RYR3: variants seen among roughly 807,000 people sequenced by gnomAD.
RYR3 encodes brain ryanodine receptor-calcium release channel.
Under a neutral mutation model 584.3 loss-of-function variants are expected in RYR3, and 207 were observed. The ratio of observed to expected loss-of-function variants is 0.35; its 90% confidence interval spans 0.32 to 0.40. The LOEUF is 0.40. Among genes scored for constraint, RYR3 ranks in the 10% least tolerant of loss-of-function variants. The probability of loss-of-function intolerance (pLI) is 1.00; values close to 1 mark genes in which losing one functional copy is unlikely to be tolerated. For missense variants in RYR3, 5,616 were observed against 6,089.2 expected (o/e 0.92, Z 2.59); for synonymous variants, 2,416 against 2,248.5 (o/e 1.07, Z -2.11).
At chr15:33,704,250 G>A (rs1437584759) in intron 42 of RYR3, among the ~76,000 whole-genome samples, 1 of 151,166 alleles carries the variant, frequency 6.6e-6, no homozygotes, top group African/African-American at 2.4e-5. Flanking sequence ...CTCCAGCCTG[G>A]GAGCCTGGGT....
At chr15:33,438,904 A>G (rs931694220) in intron 1 of RYR3, among the ~76,000 whole-genome samples, 3 of 152,228 alleles carry the variant, frequency 2.0e-5, no homozygotes, top group African/African-American at 4.8e-5. Context: ...AAACAAAAGG[A>G]TACATAACAA....
At chr15:33,522,189 G>C (rs2054050031) in intron 3 of RYR3, among the ~76,000 whole-genome samples, 1 of 151,756 alleles carries the variant, frequency 6.6e-6, no homozygotes, top group South Asian at 2.1e-4. Context: ...CTGGAACCCA[G>C]GGGGCAGAGG....
chr15:33,337,026 C>T (rs373533455), intron 1 of RYR3, among the ~76,000 whole-genome samples: 3 of 128,404 alleles, frequency 2.3e-5, no homozygotes, highest in African/African-American at 9.1e-5. Context: ...CGCTGCACTC[C>T]AGCCTGGGTT....
Position 33,390,031 on chromosome 15 carries a change from T to A in RYR3, c.51+78935T>A, listed in dbSNP as rs1287629841. Among the ~76,000 whole-genome samples, 1 of 152,230 alleles carries A rather than the reference T, an allele frequency of 6.6e-6. No individual in the cohort carries two copies. Among genetic ancestry groups the A allele is most frequent in the South Asian group, 2.1e-4 (1 of 4,832 alleles). On this transcript the variant is annotated intron_variant, in intron 1 of 103. Coordinates refer to ENST00000634891, the MANE Select transcript of RYR3 (RefSeq NM_001036.6). This position sits in a 1 kb window ranked among gnomAD's most constrained non-coding sequence, Gnocchi z 4.2. ...TATGCTGATTAGTTTCCAATTTCTA[T>A]CATTTCAGGTATGTAAATTATTGCT...
chr15:33,768,619 T>A (rs1454730220), intron 60 of RYR3, 39 bp from the exon 61 acceptor site: 1 of 1,600,920 alleles, frequency 6.2e-7, no homozygotes, highest in East Asian at 2.2e-5. Context: ...AGTCCTTTAA[T>A]CTCTGTGACT....
chr15:33,683,643 G>A (rs561358172), intron 38 of RYR3, among the ~76,000 whole-genome samples: 7 of 152,352 alleles, frequency 4.6e-5, no homozygotes, highest in South Asian at 2.1e-4. Flanking sequence ...TGAACAGTGC[G>A]TGCAGCCCAT....
At chr15:33,336,478 G>A (rs913251143) in intron 1 of RYR3, among the ~76,000 whole-genome samples, 4 of 41,074 alleles carry the variant, frequency 9.7e-5, no homozygotes, top group African/African-American at 2.6e-4. Flanking sequence ...GAGAGAGAGA[G>A]AGAGAGAGAA....
At chr15:33,576,826 T>C (rs28867695) in intron 12 of RYR3, among the ~76,000 whole-genome samples, 28,547 of 152,134 alleles carry the variant, frequency 0.19, 4,734 homozygotes, top group African/African-American at 0.45. Flanking sequence ...GAAGTCAAAC[T>C]GTCTCTGTTT....
chr15:33,704,726 C>G (rs1443489183), intron 42 of RYR3, among the ~76,000 whole-genome samples: 1 of 152,214 alleles, frequency 6.6e-6, no homozygotes, highest in African/African-American at 2.4e-5. Context: ...TTCTCAGCCT[C>G]AGTTCATCTT....
chr15:33,353,551 C>A (rs898014124), intron 1 of RYR3, among the ~76,000 whole-genome samples: 26 of 152,090 alleles, frequency 1.7e-4, no homozygotes, highest in African/African-American at 4.8e-4. Context: ...ACTGGTTTGC[C>A]CAAGACTGTC....
rs755859728 is a variant in RYR3 at position 33,662,381 on chromosome 15, C to T, written c.4851C>T (p.Ser1617=). The part of the protein sequence containing the change: ...YDLLISIHLA[S]AKERKLMMKN... ...TGCTCATCAGCATCCACCTGGCCAG[C>T]GCCAAGGAGAGGAAGCTGATGATGA... The change falls in exon 35 of 104, where the codon AGC becomes AGT. Residue 1617 remains serine (S), a synonymous_variant. Coordinates refer to ENST00000634891, the MANE Select transcript of RYR3 (RefSeq NM_001036.6). 16 of 1,613,338 alleles carry T rather than the reference C, an allele frequency of 9.9e-6. No individual in the cohort carries two copies. The highest frequency in any genetic ancestry group is 9.9e-5 in the South Asian group (9 of 90,902).
At position 33,516,027 on chromosome 15, in the gene RYR3, G is replaced by T. The variant is rs149474356; in HGVS notation, c.279+12289G>T. 1.4e-3 allele frequency among the ~76,000 whole-genome samples: 212 copies of T among 152,128 alleles called. 1 individual carries two copies. Among genetic ancestry groups the T allele is most frequent in the African/African-American group, 5.0e-3 (207 of 41,502 alleles). On this transcript the variant is annotated intron_variant, in intron 3 of 103. Coordinates refer to ENST00000634891, the MANE Select transcript of RYR3 (RefSeq NM_001036.6). ...TTCACTTCTTTTTCCCACATGGTACGCCTTGTTACTAAGATAAAATTCTAA... is the reference window on the plus strand; with the variant it reads ...TTCACTTCTTTTTCCCACATGGTACTCCTTGTTACTAAGATAAAATTCTAA...
chr15:33,842,993 GAC>G (rs1027312416), intron 91 of RYR3, among the ~76,000 whole-genome samples: 6 of 152,032 alleles, frequency 3.9e-5, no homozygotes, highest in African/African-American at 1.4e-4. Flanking sequence ...CCATGTTCAT[GAC>G]ACGACACAGT....
intron 18 of RYR3, among the ~76,000 whole-genome samples, chr15:33,608,849 T>C (rs1014087345): frequency 1.3e-5 from 2 of 152,190 alleles, no homozygotes; most frequent in African/African-American, 4.8e-5. Flanking sequence ...GCATAATTGC[T>C]CCTCCTGGTG....
intron 72 of RYR3, among the ~76,000 whole-genome samples, chr15:33,812,152 C>T (rs974180169): frequency 6.6e-6 from 1 of 152,086 alleles, no homozygotes; most frequent in Non-Finnish European, 1.5e-5. Flanking sequence ...AGCCTTGAAC[C>T]AGTAAAACCC....
At chr15:33,535,982 A>G (rs748199488) in intron 5 of RYR3, among the ~76,000 whole-genome samples, 2 of 152,186 alleles carry the variant, frequency 1.3e-5, no homozygotes, top group Non-Finnish European at 2.9e-5. Context: ...TCTCTCACCC[A>G]AACTCATGTG....
chr15:33,657,294 C>T (rs1285836405), intron 32 of RYR3, among the ~76,000 whole-genome samples: 1 of 152,222 alleles, frequency 6.6e-6, no homozygotes, highest in Non-Finnish European at 1.5e-5. Flanking sequence ...GGAACCAGTC[C>T]TGAGGGACCT....
Position 33,662,120 on chromosome 15 carries a change from C to A in RYR3, c.4623-33C>A, listed in dbSNP as rs377608955. Reference sequence around the variant, plus strand: ...CTGGATTCTGGTGGGTTCTTCTCCCCCTGGTGTGGCTGATTGCTCGTCCTG... The same window carrying A: ...CTGGATTCTGGTGGGTTCTTCTCCCACTGGTGTGGCTGATTGCTCGTCCTG... On this transcript the variant is annotated intron_variant, in intron 34 of 103. Coordinates refer to ENST00000634891, the MANE Select transcript of RYR3 (RefSeq NM_001036.6). 7.9e-6 allele frequency: 12 copies of A among 1,519,610 alleles called. No individual in the cohort carries two copies. In the Admixed American group the frequency reaches 8.0e-5, roughly 10 times the overall value. The allele number at this position is 1,519,610 out of a possible 1,614,324, so 94.1% of individuals were successfully genotyped here.
At chr15:33,705,086 A>T in intron 42 of RYR3, among the ~76,000 whole-genome samples, 1 of 136,548 alleles carries the variant, frequency 7.3e-6, no homozygotes, top group Non-Finnish European at 1.5e-5. Context: ...GCACACACAC[A>T]TGCACACACA....
Sources: allele counts gnomAD v4.1 joint callset (sites outside exome capture counted in the v4.1 genomes callset), GRCh38; gene constraint gnomAD v4.1.1; non-coding constraint Gnocchi (gnomAD v3.1); transcripts MANE v1.5; gene names NCBI Gene and HGNC (gene_info 2026-07-23, HGNC 2026-07-21).